The following TCOF1 variants were observed in gnomAD, a reference collection of about 807,000 sequenced individuals.
The protein encoded by TCOF1 is treacle ribosome biogenesis factor 1, also known as treacle protein.
Under a neutral mutation model 149.0 loss-of-function variants are expected in TCOF1, and 33 were observed. That is an observed-to-expected ratio of 0.22 (90% confidence interval 0.17 to 0.30). The LOEUF is 0.30. TCOF1 is among the 10% of genes least tolerant of loss of function. The probability of loss-of-function intolerance (pLI) is 1.00; values close to 1 mark genes in which losing one functional copy is unlikely to be tolerated. For synonymous variants in TCOF1, 789 were observed against 738.8 expected, an observed-to-expected ratio of 1.07 and a Z score of -1.10; for missense variants, 1,728 against 1,840.7, an observed-to-expected ratio of 0.94 and a Z score of 1.12.
Position 150,396,461 on chromosome 5 carries a change from G to C in TCOF1, c.3964G>C (p.Glu1322Gln). 1.1e-5 allele frequency: 17 copies of C among 1,614,034 alleles called. No homozygotes were observed. Among genetic ancestry groups the C allele is most frequent in the Non-Finnish European group, 1.3e-5 (15 of 1,180,018 alleles). ...VQASVVKVLTELLEQERKKVV... is the reference protein window; with the variant it reads ...VQASVVKVLTQLLEQERKKVV... ...GGCCTCAGTGGTGAAGGTCCTGACT[G>C]AGCTGCTGGAACAGGAAAGAAAGAA... is the stretch of plus-strand genomic sequence containing the variant. The change falls in exon 24 of 27, where the codon GAG becomes CAG. Residue 1322 changes from glutamate (E) to glutamine (Q), a missense_variant. Around this residue, in one of 2 missense-constraint regions of TCOF1, gnomAD observed 1,696 missense variants for 1,765.4 expected, o/e 0.96. Transcript: ENST00000643257.
intron 22 of TCOF1, 152 bp downstream of exon 22, chr5:150,392,942 G>T: frequency 1.1e-6 from 1 of 925,592 alleles, no homozygotes; most frequent in Non-Finnish European, 1.7e-6. Flanking sequence ...CACCACGTGT[G>T]GCCCAGCCAG....
intron 17 of TCOF1, chr5:150,380,279 T>TG: frequency 1.2e-5 from 2 of 173,642 alleles, no homozygotes; most frequent in South Asian, 1.3e-4. Context: ...TGGGTCTATA[T>TG]CTAGGTCGAG....
At chr5:150,383,613 G>T in intron 17 of TCOF1, 1 of 1,026,774 alleles carries the variant, frequency 9.7e-7, no homozygotes, top group South Asian at 1.4e-5. Flanking sequence ...TGCCCCATTT[G>T]ACAGATTGGG....
At chr5:150,381,300 CACCAA>C (rs905366978) in intron 17 of TCOF1, among the ~76,000 whole-genome samples, 1 of 152,222 alleles carries the variant, frequency 6.6e-6, no homozygotes, top group Non-Finnish European at 1.5e-5. Context: ...GCCTTTGATA[CACCAA>C]ACCAACAATT....
At chr5:150,384,476 T>C (rs1421210707) in intron 17 of TCOF1, 1 of 985,318 alleles carries the variant, frequency 1.0e-6, no homozygotes, top group East Asian at 1.1e-4. Context: ...CCCGACACTC[T>C]CCTCTCCTGG....
intron 17 of TCOF1, chr5:150,384,089 C>G (rs1765786078): frequency 8.0e-7 from 1 of 1,255,834 alleles, no homozygotes; most frequent in African/African-American, 1.5e-5. Context: ...AACCTCCAGA[C>G]CAGAGCGGTC....
chr5:150,368,153 C>T (rs1471713127), intron 4 of TCOF1: 2 of 527,098 alleles, frequency 3.8e-6, no homozygotes, highest in East Asian at 3.4e-5. Flanking sequence ...ACATTCTACA[C>T]CTGGGGTAGG....
chr5:150,377,764 A>T (rs968572642), intron 14 of TCOF1, among the ~76,000 whole-genome samples: 2 of 152,182 alleles, frequency 1.3e-5, no homozygotes, highest in Admixed American at 1.3e-4. Flanking sequence ...TATGCAGCTC[A>T]CTTAAATATT....
intron 3 of TCOF1, chr5:150,367,547 G>A (rs1761628883): frequency 4.8e-6 from 2 of 416,562 alleles, no homozygotes; most frequent in Non-Finnish European, 9.1e-6. Flanking sequence ...CAGCAAGAAT[G>A]TGGGCCAGTC....
chr5:150,393,661 C>G (rs1399190079), intron 23 of TCOF1, 109 bp downstream of exon 23: 31 of 1,428,068 alleles, frequency 2.2e-5, no homozygotes, highest in Non-Finnish European at 2.9e-5. Context: ...CCTGTCTGCC[C>G]CCAGAGCCTC....
rs1464929617 is a variant in TCOF1 at position 150,374,968 on chromosome 5, G to A, written c.1293G>A (p.Gly431=). 1.2e-6 allele frequency: 2 copies of A among 1,607,836 alleles called. No individual in the cohort carries two copies. Among genetic ancestry groups the A allele is most frequent in the African/African-American group, 2.7e-5 (2 of 72,820 alleles). ...TCTCACTCCAGGCGAAGCCTTCAGGGAAGGCCCCCCAGGTCAGAGCCGCCT... is the reference window on the plus strand; with the variant it reads ...TCTCACTCCAGGCGAAGCCTTCAGGAAAGGCCCCCCAGGTCAGAGCCGCCT... ...EEAPAQAKPS[G]KAPQVRAASA... The change falls in exon 10 of 27, where the codon GGG becomes GGA. Residue 431 remains glycine (G), a synonymous_variant. Coordinates refer to ENST00000643257, the MANE Select transcript of TCOF1 (RefSeq NM_001371623.1).
rs146940106 is a variant in TCOF1 at position 150,360,487 on chromosome 5, C to A, written c.109-669C>A. ...GTGCTTTGGGAAGATTGGCTGGCCACGTCTTTGAAAGCTTTTTTAAAGGTC... is the reference window on the plus strand; with the variant it reads ...GTGCTTTGGGAAGATTGGCTGGCCAAGTCTTTGAAAGCTTTTTTAAAGGTC... On this transcript the variant is annotated intron_variant, in intron 1 of 26. Coordinates refer to ENST00000643257, the MANE Select transcript of TCOF1 (RefSeq NM_001371623.1). Among the ~76,000 whole-genome samples, 274 of 152,284 alleles carry A rather than the reference C, an allele frequency of 1.8e-3. 1 individual carries two copies. The highest frequency in any genetic ancestry group is 6.1e-3 in the African/African-American group (254 of 41,550).
At chr5:150,385,176 T>C (rs757924166) in intron 17 of TCOF1, 86 of 824,554 alleles carry the variant, frequency 1.0e-4, no homozygotes, top group Non-Finnish European at 1.2e-4. Context: ...GTCGGTAATA[T>C]TTTTTAAGGC....
At chr5:150,373,542 C>T (rs1428533490) in intron 7 of TCOF1, among the ~76,000 whole-genome samples, 3 of 152,134 alleles carry the variant, frequency 2.0e-5, no homozygotes, top group Non-Finnish European at 4.4e-5. Context: ...GGGCCTGCAG[C>T]CACCCTGCCA....
chr5:150,384,682 T>TA (rs749208118), intron 17 of TCOF1: 81 of 985,372 alleles, frequency 8.2e-5, no homozygotes, highest in Non-Finnish European at 9.4e-5. Flanking sequence ...GGAGTCTATT[T>TA]AAAAAGCAGA....
intron 6 of TCOF1, among the ~76,000 whole-genome samples, chr5:150,370,263 C>T (rs1762234504): frequency 6.6e-6 from 1 of 152,110 alleles, no homozygotes. Context: ...ATGTAGAGGG[C>T]CACGCAGGGC....
intron 17 of TCOF1, among the ~76,000 whole-genome samples, chr5:150,387,035 CAA>C (rs1433975340): frequency 6.6e-6 from 1 of 152,254 alleles, no homozygotes; most frequent in East Asian, 1.9e-4. Flanking sequence ...TCGTTTCACG[CAA>C]ACCCTCCACT....
chr5:150,362,673 G>T (rs1104959), intron 2 of TCOF1, among the ~76,000 whole-genome samples: 6,194 of 152,270 alleles, frequency 0.041, 173 homozygotes, highest in South Asian at 0.1. Context: ...ACAGCCTCTG[G>T]TGGAGAGCTA....
intron 10 of TCOF1, 25 bp from the exon 11 acceptor site, chr5:150,375,314 T>G: frequency 6.2e-7 from 1 of 1,608,772 alleles, no homozygotes; most frequent in South Asian, 1.1e-5. Flanking sequence ...ACTCCCTCCC[T>G]AATCTTGTCC....
Sources: gnomAD v4.1 joint callset for allele counts (sites outside exome capture counted in the v4.1 genomes callset) on GRCh38, gnomAD v4.1.1 for gene constraint, gnomAD v4.1.1 regional missense constraint, MANE v1.5 for transcripts, NCBI Gene and HGNC (gene_info 2026-07-23, HGNC 2026-07-21) for gene names.